INTS7: variants seen among roughly 807,000 people sequenced by gnomAD.
INTS7 encodes the protein integrator complex subunit 7.
Under a neutral mutation model 109.2 loss-of-function variants are expected in INTS7, and 46 were observed. The ratio of observed to expected loss-of-function variants is 0.42; its 90% CI spans 0.33 to 0.54. The LOEUF is 0.54. Among genes scored for constraint, INTS7 ranks in the 20% least tolerant of loss-of-function variants. The pLI, the probability that INTS7 is intolerant of heterozygous loss-of-function variation, is 0.07. For synonymous variants in INTS7, 412 were observed against 402.9 expected, an observed-to-expected ratio of 1.02 and a Z score of -0.27; for missense variants, 929 against 1,132.4, an observed-to-expected ratio of 0.82 and a Z score of 2.58.
chr1:212,033,232 G>C (rs1207755338), intron 1 of INTS7, among the ~76,000 whole-genome samples: 1 of 152,162 alleles, frequency 6.6e-6, no homozygotes, highest in Non-Finnish European at 1.5e-5. Context: ...CTGACCTTTA[G>C]CTCACAAAAC....
At chr1:211,948,302 GATTTAA>G (rs754737720) in intron 17 of INTS7, among the ~76,000 whole-genome samples, 60 of 152,326 alleles carry the variant, frequency 3.9e-4, no homozygotes, top group South Asian at 8.3e-4. Flanking sequence ...TCACAACACA[GATTTAA>G]AGACACTGGT....
At chr1:211,961,883 A>G (rs1663650314) in intron 16 of INTS7, among the ~76,000 whole-genome samples, 1 of 152,220 alleles carries the variant, frequency 6.6e-6, no homozygotes, top group Admixed American at 6.5e-5. Flanking sequence ...TCCTGAAGGA[A>G]GCACTAAATA....
In INTS7 at chr1:211,959,455, C is replaced by T. The variant is rs1474007551; in HGVS notation, c.2184-6754G>A. On this transcript the variant is annotated intron_variant, in intron 16 of 19. Coordinates refer to ENST00000366994, the MANE Select transcript of INTS7 (RefSeq NM_015434.4). This position sits in a 1 kb window ranked among gnomAD's most constrained non-coding sequence, Gnocchi z 4.2. ...GCCTAACTGGTAGTGAGCTCCAGCA[C>T]AGCGGCCCAGCATGTGGACATGGGC... Among the ~76,000 whole-genome samples the T allele has an allele frequency of 6.6e-6, 1 of 152,170 alleles. No individual in the cohort carries two copies. The highest frequency in any genetic ancestry group is 2.4e-5 in the African/African-American group (1 of 41,436).
Position 211,982,757 on chromosome 1 carries a change from A to G in INTS7, c.1051T>C (p.Cys351Arg). ...ATGCCCCTGTTATTATGGTAACAGC[A>G]CTCTTGGGCTAATTTGACTAAATCA... ...SSDLVKLAQECCYHNNRGIAA... is the reference protein window; with the variant it reads ...SSDLVKLAQERCYHNNRGIAA... Residue 351 changes from cysteine (C) to arginine (R), a missense_variant, in exon 9 of 20, where the codon TGC (cysteine) becomes CGC (arginine). Coordinates refer to ENST00000366994, the MANE Select transcript of INTS7 (RefSeq NM_015434.4). 6.2e-7 allele frequency: 1 copy of G among 1,609,002 alleles called. No individual in the cohort carries two copies. Among genetic ancestry groups the G allele is most frequent in the South Asian group, 1.1e-5 (1 of 90,752 alleles).
intron 13 of INTS7, among the ~76,000 whole-genome samples, chr1:211,970,624 T>C (rs928896236): frequency 6.6e-6 from 1 of 152,146 alleles, no homozygotes; most frequent in South Asian, 2.1e-4. Flanking sequence ...ACATAAAAAC[T>C]AGTAGGAAAA....
intron 7 of INTS7, among the ~76,000 whole-genome samples, chr1:211,993,799 A>T (rs1665248752): frequency 6.6e-6 from 1 of 152,128 alleles, no homozygotes; most frequent in Non-Finnish European, 1.5e-5. Context: ...AGAAAAATAT[A>T]AACACACTAA....
At position 211,952,711 on chromosome 1, in the gene INTS7, A is replaced by C. The variant is rs376564576; in HGVS notation, c.2184-10T>G. ...TCCATATTCCTGGAAACTGAAGTAAAGGTCAATATTCATTAATCCATCAAA... is the reference window on the plus strand; with the variant it reads ...TCCATATTCCTGGAAACTGAAGTAACGGTCAATATTCATTAATCCATCAAA... On this transcript the variant is annotated splice_polypyrimidine_tract_variant and intron_variant, in intron 16 of 19. Transcript: ENST00000366994. 2 of 1,609,524 alleles carry C rather than the reference A, an allele frequency of 1.2e-6. No homozygotes were observed. Among genetic ancestry groups the C allele is most frequent in the Non-Finnish European group, 1.7e-6 (2 of 1,177,028 alleles).
At chr1:211,969,532 TTC>T (rs1419966150) in intron 13 of INTS7, among the ~76,000 whole-genome samples, 10 of 147,838 alleles carry the variant, frequency 6.8e-5, no homozygotes, top group Non-Finnish European at 1.0e-4. Flanking sequence ...TAGCCCAAAT[TTC>T]TTTTTCTTTT....
In INTS7 at chr1:211,972,554, A is replaced by C. The variant is rs374082261; in HGVS notation, c.1815+2612T>G. Among the ~76,000 whole-genome samples, 3 of 152,252 alleles carry C rather than the reference A, an allele frequency of 2.0e-5. No homozygotes were observed. In the East Asian group the frequency reaches 5.8e-4, roughly 29 times the overall value. ...ACACTCCTGGTTCCAAGCATTTTAC[A>C]TTAAGGAATACTAAACCTACAACAT... On this transcript the variant is annotated intron_variant, in intron 13 of 19. Coordinates refer to ENST00000366994, the MANE Select transcript of INTS7 (RefSeq NM_015434.4).
intron 4 of INTS7, among the ~76,000 whole-genome samples, chr1:212,014,690 T>C (rs191920496): frequency 0.026 from 3,912 of 150,744 alleles, 54 homozygotes; most frequent in African/African-American, 0.046. Context: ...GGATTGCAGG[T>C]GCGCCGCCAC....
In INTS7 at chr1:212,016,934, T is replaced by A; in HGVS notation, c.461A>T (p.Glu154Val). 6.2e-7 allele frequency: 1 copy of A among 1,608,214 alleles called. No individual in the cohort carries two copies. Among genetic ancestry groups the A allele is most frequent in the Non-Finnish European group, 8.5e-7 (1 of 1,177,730 alleles). ...AGCAGCAAAAACAGCAGCTTCAACTTCTACATTATCATGTGAATCTAAACT... is the reference window on the plus strand; with the variant it reads ...AGCAGCAAAAACAGCAGCTTCAACTACTACATTATCATGTGAATCTAAACT... ...RQSLDSHDNVEVEAAVFAAAN... is the reference protein window; with the variant it reads ...RQSLDSHDNVVVEAAVFAAAN... Residue 154 changes from glutamate (E) to valine (V), a missense_variant, in exon 4 of 20, where the codon GAA becomes GTA. This residue lies in a region of INTS7 where 142 missense variants were observed against 231.4 expected (regional missense o/e 0.61). Transcript: ENST00000366994.
intron 1 of INTS7, among the ~76,000 whole-genome samples, chr1:212,026,545 T>TA (rs1666928222): frequency 1.3e-5 from 2 of 148,488 alleles, no homozygotes; most frequent in Admixed American, 1.4e-4. Flanking sequence ...GGGATAATTC[T>TA]AAGTAGCTGG....
intron 16 of INTS7, 70 bp from the exon 17 acceptor site, chr1:211,952,771 T>C (rs1317248504): frequency 1.6e-6 from 2 of 1,233,998 alleles, no homozygotes; most frequent in Non-Finnish European, 2.3e-6. Context: ...ATGTATCAGG[T>C]ACTTTCAACA....
intron 16 of INTS7, among the ~76,000 whole-genome samples, chr1:211,957,704 A>G (rs1458462616): frequency 6.6e-6 from 1 of 152,212 alleles, no homozygotes; most frequent in Non-Finnish European, 1.5e-5. Flanking sequence ...AGCAGATTTA[A>G]AAGTTTAAAT....
Position 211,966,433 on chromosome 1 carries a change from G to A in INTS7, c.2180C>T (p.Ala727Val), listed in dbSNP as rs187496318. 5.8e-6 allele frequency: 9 copies of A among 1,551,618 alleles called. No individual in the cohort carries two copies. In the Admixed American group the frequency reaches 1.5e-4, roughly 26 times the overall value. Reference protein sequence around the residue: ...IEALILDPESASFQEYGSTGT... With the variant: ...IEALILDPESVSFQEYGSTGT... ...CTATTATTAATATTAGAATTACCTT[G>A]CTGATTCTGGATCCAAAATCAGGGC... Residue 727 changes from alanine (A) to valine (V), a missense_variant, in exon 16 of 20, where the codon GCA (alanine) becomes GTA (valine). Physicochemically the swap from Ala to Val is moderately conservative, Grantham distance 64. This residue lies in a region of INTS7 where 787 missense variants were observed against 901.1 expected (regional missense o/e 0.87). Coordinates refer to ENST00000366994, the MANE Select transcript of INTS7 (RefSeq NM_015434.4).
chr1:211,974,498 C>T (rs1664331496), intron 13 of INTS7, among the ~76,000 whole-genome samples: 1 of 151,450 alleles, frequency 6.6e-6, no homozygotes, highest in Admixed American at 6.6e-5. Context: ...TTTTTAAAGT[C>T]ATGTGACAGT....
intron 7 of INTS7, among the ~76,000 whole-genome samples, chr1:211,994,771 A>T (rs575726472): frequency 1.3e-5 from 2 of 151,788 alleles, no homozygotes; most frequent in East Asian, 3.9e-4. Flanking sequence ...ATTAAAAAAA[A>T]AGTATGTTCA....
intron 1 of INTS7, among the ~76,000 whole-genome samples, chr1:212,030,308 G>A (rs978944285): frequency 6.7e-6 from 1 of 148,702 alleles, no homozygotes; most frequent in Non-Finnish European, 1.5e-5. Flanking sequence ...TTTTTTTTGA[G>A]ATGGAGTTTC....
rs546364026 is a variant in INTS7 at position 211,953,669 on chromosome 1, C to T, written c.2184-968G>A. ...TGCGGTGTTTGGTTTTTTGTCCTTG[C>T]GATAGTTTGCTGAGAATGATGATTT... On this transcript the variant is annotated intron_variant, in intron 16 of 19. Transcript: ENST00000366994. Among the ~76,000 whole-genome samples, 68 of 149,418 alleles carry T rather than the reference C, an allele frequency of 4.6e-4. 1 individual carries two copies. The East Asian group carries it at 7.0e-3, about 15-fold the overall frequency.
Sources: gnomAD v4.1 joint callset for allele counts (sites outside exome capture counted in the v4.1 genomes callset) on GRCh38, gnomAD v4.1.1 for gene constraint, gnomAD v4.1.1 regional missense constraint, Gnocchi (gnomAD v3.1) non-coding constraint, MANE v1.5 for transcripts, NCBI Gene and HGNC (gene_info 2026-07-23, HGNC 2026-07-21) for gene names.